INSL6: variants seen among roughly 807,000 people sequenced by gnomAD.
INSL6 encodes insulin-like peptide INSL6.
INSL6 carries 16 observed loss-of-function variants against 9.4 expected under a neutral mutation model. The observed-to-expected ratio is 1.70, with a 90% CI of 1.15 to 2.59. The LOEUF is 2.59. INSL6 is among the 30% of genes most tolerant of loss of function. The pLI, the probability that INSL6 is intolerant of heterozygous loss-of-function variation, is 0.00. For synonymous variants in INSL6, 154 were observed against 96.9 expected (o/e 1.59, Z -3.46); for missense variants, 391 against 257.3 (o/e 1.52, Z -3.56).
chr9:5,118,692 G>A, the INSL6 span, among the ~76,000 whole-genome samples: 1 of 152,194 alleles, frequency 6.6e-6, no homozygotes, highest in Non-Finnish European at 1.5e-5. Flanking sequence ...GTGTAAGTGA[G>A]TGGACAGGAA....
chr9:5,152,377 TA>T (rs1396087431), intron 2 of INSL6, among the ~76,000 whole-genome samples: 1 of 152,166 alleles, frequency 6.6e-6, no homozygotes, highest in Admixed American at 6.5e-5. Context: ...AACAACATAT[TA>T]AATTAGAAAT....
At chr9:5,111,290 G>A in the INSL6 span, 5 of 476,754 alleles carry the variant, frequency 1.0e-5, no homozygotes, top group African/African-American at 3.9e-5. Flanking sequence ...GCTTCCTGCC[G>A]GGCAAGCTGG....
At chr9:5,143,415 G>A (rs141346464) in intron 2 of INSL6, among the ~76,000 whole-genome samples, 1 of 152,020 alleles carries the variant, frequency 6.6e-6, no homozygotes, top group East Asian at 1.9e-4. Flanking sequence ...TTCAGTCTAG[G>A]GAGGGGGTAT....
the INSL6 span, among the ~76,000 whole-genome samples, chr9:5,004,632 A>C: frequency 6.6e-6 from 1 of 152,148 alleles, no homozygotes; most frequent in Non-Finnish European, 1.5e-5. Context: ...TATTATTTTT[A>C]GTTCCAATAC....
At position 5,185,343 on chromosome 9, in the gene INSL6, G is replaced by A. The variant is rs1001340090; in HGVS notation, c.260C>T (p.Ser87Phe). 2.5e-6 allele frequency: 4 copies of A among 1,614,152 alleles called. No individual in the cohort carries two copies. Among genetic ancestry groups the A allele is most frequent in the East Asian group, 4.5e-5 (2 of 44,874 alleles). The change falls in exon 1 of 2, where the codon TCC becomes TTC. Residue 87 changes from serine (S) to phenylalanine (F), a missense_variant. Physicochemically the swap from Ser to Phe is radical, Grantham distance 155. Coordinates refer to ENST00000381641, the MANE Select transcript of INSL6 (RefSeq NM_007179.3). ...PYQFESPQTA[S>F]PARGRGTNPV... ...GTTTGTGCCTCTTCCCCGGGCCGGG[G>A]AAGCGGTTTGCGGGCTTTCGAACTG...
chr9:5,123,776 TAAG>T (rs1823789781), downstream of INSL6, among the ~76,000 whole-genome samples: 1 of 151,944 alleles, frequency 6.6e-6, no homozygotes, highest in Non-Finnish European at 1.5e-5. Context: ...CAACAGTGTA[TAAG>T]AGTTCCCTTT....
the INSL6 span, among the ~76,000 whole-genome samples, chr9:5,072,971 C>A: frequency 1.3e-5 from 2 of 151,830 alleles, no homozygotes; most frequent in African/African-American, 4.8e-5. Context: ...AAACAAAAAA[C>A]CAAGTTTCAA....
rs942662495 is a variant in INSL6, at chr9:5,185,578, G to A, written c.25C>T (p.Leu9=). ...ACCAGCAGGAGTCCAAGCCACAGCA[G>A]GGACAAGCGGAGGAGCCGCGGCATC... MPRLLRLS[L]LWLGLLLVRF... is the part of the protein sequence containing the mutation. The change falls in exon 1 of 2, where the codon CTG becomes TTG. Residue 9 remains leucine (L), a synonymous_variant. Transcript: ENST00000381641. 6 of 1,613,596 alleles carry A rather than the reference G, an allele frequency of 3.7e-6. No homozygotes were observed. Among genetic ancestry groups the A allele is most frequent in the South Asian group, 2.2e-5 (2 of 91,022 alleles).
At chr9:5,183,961 T>C (rs965228343) in intron 1 of INSL6, among the ~76,000 whole-genome samples, 4 of 151,876 alleles carry the variant, frequency 2.6e-5, no homozygotes, top group Non-Finnish European at 5.9e-5. Flanking sequence ...AGCGTGAGAG[T>C]CACTGAACTA....
chr9:5,104,792 AAC>A, the INSL6 span, among the ~76,000 whole-genome samples: 2 of 152,210 alleles, frequency 1.3e-5, no homozygotes, highest in Non-Finnish European at 2.9e-5. Flanking sequence ...ACATAAACAG[AAC>A]CAATGACAAA....
intron 2 of INSL6, among the ~76,000 whole-genome samples, chr9:5,140,193 C>T: frequency 6.6e-6 from 1 of 152,196 alleles, no homozygotes; most frequent in Middle Eastern, 3.4e-3. Flanking sequence ...AGAATCAATA[C>T]TGCAAAACCA....
intron 2 of INSL6, among the ~76,000 whole-genome samples, chr9:5,156,010 G>A (rs1310892948): frequency 1.3e-5 from 2 of 151,908 alleles, no homozygotes; most frequent in Non-Finnish European, 1.5e-5. Context: ...ATCAAAATCA[G>A]TAATAAAAAA....
At chr9:5,174,514 G>C (rs1825255031) in intron 1 of INSL6, among the ~76,000 whole-genome samples, 1 of 152,082 alleles carries the variant, frequency 6.6e-6, no homozygotes, top group African/African-American at 2.4e-5. Context: ...TCCAACCTAA[G>C]TAGTTGTCCC....
chr9:5,111,135 CAGCGA>C, the INSL6 span: 15 of 1,030,772 alleles, frequency 1.5e-5, no homozygotes, highest in Non-Finnish European at 1.9e-5. Context: ...GCTGGACGTT[CAGCGA>C]AGGCGCTCAA....
intron 1 of INSL6, among the ~76,000 whole-genome samples, chr9:5,175,608 G>T (rs139876259): frequency 5.3e-5 from 8 of 152,172 alleles, no homozygotes; most frequent in African/African-American, 1.9e-4. Context: ...GCAGGCGAGC[G>T]AGCAAAGCTT....
chr9:5,005,657 T>A, the INSL6 span, among the ~76,000 whole-genome samples: 1 of 152,224 alleles, frequency 6.6e-6, no homozygotes, highest in Non-Finnish European at 1.5e-5. Context: ...TTTGGTATCA[T>A]GTTTATACTC....
the INSL6 span, among the ~76,000 whole-genome samples, chr9:5,082,845 A>T: frequency 2.0e-5 from 3 of 152,222 alleles, no homozygotes; most frequent in African/African-American, 7.2e-5. Flanking sequence ...CATACAACAC[A>T]TATTTTTGTG....
the INSL6 span, among the ~76,000 whole-genome samples, chr9:4,996,928 CTTTT>C: frequency 4.5e-4 from 43 of 94,708 alleles, no homozygotes; most frequent in Non-Finnish European, 8.1e-4. Context: ...TTAGTTTGTT[CTTTT>C]TTTTTTTTTT....
the INSL6 span, chr9:5,110,148 C>G: frequency 6.6e-6 from 1 of 152,208 alleles, no homozygotes. Flanking sequence ...TAAATTCGGC[C>G]TCCATCCCTG....
Sources: gnomAD v4.1 joint callset for allele counts (sites outside exome capture counted in the v4.1 genomes callset) on GRCh38, gnomAD v4.1.1 for gene constraint, MANE v1.5 for transcripts, NCBI Gene and HGNC (gene_info 2026-07-23, HGNC 2026-07-21) for gene names.